Variants in TMEM91 observed in about 807,000 individuals in gnomAD.
TMEM91 encodes dispanin subfamily C member 3.
In TMEM91, 6 loss-of-function variants were observed where a neutral mutation model predicts 13.3. The observed-to-expected ratio is 0.45, with a 90% CI of 0.25 to 0.89. TMEM91 has a LOEUF of 0.89. TMEM91 is among the 40% of genes least tolerant of loss of function. The pLI is 0.19. For synonymous variants in TMEM91, 87 were observed against 101.7 expected, an observed-to-expected ratio of 0.86 and a Z score of 0.87; for missense variants, 193 against 228.7, an observed-to-expected ratio of 0.84 and a Z score of 1.01.
At chr19:41,369,655 AAAATC>A (rs926083207) in intron 1 of TMEM91, among the ~76,000 whole-genome samples, 7 of 151,878 alleles carry the variant, frequency 4.6e-5, no homozygotes, top group African/African-American at 7.3e-5. Flanking sequence ...AACTACAAAA[AAAATC>A]AGCTGAACGT....
intron 1 of TMEM91, among the ~76,000 whole-genome samples, chr19:41,368,673 G>C (rs575973142): frequency 2.0e-5 from 3 of 151,870 alleles, no homozygotes; most frequent in African/African-American, 7.2e-5. Flanking sequence ...GCCTCCCAAA[G>C]TGCTGGGATT....
chr19:41,367,783 C>T (rs1036273199), intron 1 of TMEM91, among the ~76,000 whole-genome samples: 4 of 152,142 alleles, frequency 2.6e-5, no homozygotes, highest in African/African-American at 9.6e-5. Context: ...GCGTGTGCCA[C>T]CATGCCCAGC....
chr19:41,368,976 T>C (rs1234416943), intron 1 of TMEM91, among the ~76,000 whole-genome samples: 3 of 151,688 alleles, frequency 2.0e-5, no homozygotes, highest in Admixed American at 2.0e-4. Flanking sequence ...ATTAGCTGGG[T>C]GTGGTGGCAT....
intron 2 of TMEM91, among the ~76,000 whole-genome samples, chr19:41,379,953 G>A (rs988287560): frequency 6.9e-6 from 1 of 144,524 alleles, no homozygotes; most frequent in Non-Finnish European, 1.5e-5. Context: ...GGAGTACAAT[G>A]GTGCAATCTC....
intron 2 of TMEM91, among the ~76,000 whole-genome samples, chr19:41,381,076 C>CAAAAAAA (rs1166323642): frequency 1.9e-5 from 1 of 52,782 alleles, no homozygotes; most frequent in African/African-American, 6.8e-5. Context: ...GACTCTGTCT[C>CAAAAAAA]AAAAAAAAAA....
intron 1 of TMEM91, among the ~76,000 whole-genome samples, chr19:41,368,852 C>T (rs1433142308): frequency 6.6e-6 from 1 of 151,814 alleles, no homozygotes; most frequent in Non-Finnish European, 1.5e-5. Flanking sequence ...CAGTGGCTCA[C>T]ACCTGTAATC....
intron 1 of TMEM91, among the ~76,000 whole-genome samples, chr19:41,370,572 A>C (rs569869979): frequency 6.0e-5 from 9 of 149,634 alleles, no homozygotes; most frequent in Admixed American, 4.0e-4. Flanking sequence ...TTGTCCAGCT[A>C]ATTTTTGTAT....
At chr19:41,378,620 A>G in intron 2 of TMEM91, 101 bp downstream of exon 2, 2 of 1,223,474 alleles carry the variant, frequency 1.6e-6, no homozygotes, top group Non-Finnish European at 2.3e-6. Context: ...GATCTGCCTT[A>G]GGCCTGGAGT....
At chr19:41,378,190 A>G in intron 1 of TMEM91, 91 bp from the exon 2 acceptor site, 1 of 938,456 alleles carries the variant, frequency 1.1e-6, no homozygotes, top group Admixed American at 2.3e-5. Context: ...TGCACTAACT[A>G]GTCTCTGCCT....
At chr19:41,380,029 G>A (rs2038842319) in intron 2 of TMEM91, among the ~76,000 whole-genome samples, 1 of 151,650 alleles carries the variant, frequency 6.6e-6, no homozygotes, top group Admixed American at 6.6e-5. Context: ...CTGAGTAGCT[G>A]GATTTACAGG....
intron 1 of TMEM91, among the ~76,000 whole-genome samples, chr19:41,371,484 A>G (rs1456076855): frequency 1.3e-5 from 2 of 149,210 alleles, no homozygotes; most frequent in Admixed American, 6.7e-5. Context: ...CAGTGGCACA[A>G]TCTTGGCTCA....
At chr19:41,366,578 T>C (rs899444692) in intron 1 of TMEM91, among the ~76,000 whole-genome samples, 3 of 152,094 alleles carry the variant, frequency 2.0e-5, no homozygotes, top group Non-Finnish European at 4.4e-5. Context: ...CAAAGTCTTA[T>C]CATGCATGAC....
At chr19:41,383,443 T>C in intron 3 of TMEM91, 6 of 1,172,580 alleles carry the variant, frequency 5.1e-6, no homozygotes, top group Non-Finnish European at 6.7e-6. Context: ...TCTGGGTCAA[T>C]GTGAGAATCA....
intron 2 of TMEM91, among the ~76,000 whole-genome samples, chr19:41,380,139 C>T (rs1455730674): frequency 6.6e-6 from 1 of 151,954 alleles, no homozygotes; most frequent in Non-Finnish European, 1.5e-5. Context: ...AGGTGATCCA[C>T]CCACCTCAGC....
rs576188646 is a variant in TMEM91, at chr19:41,383,472, C to T, written c.361-243C>T. On this transcript the variant is annotated intron_variant, in intron 3 of 3. Coordinates refer to ENST00000392002, the MANE Select transcript of TMEM91 (RefSeq NM_001098821.2). ...AGAATCAAATGAGTTAGAATAGTGG[C>T]ATATACCATTTTAATGTTTTTATTT... is the stretch of plus-strand genomic sequence containing the variant. The T allele has an allele frequency of 1.8e-5, 24 of 1,353,654 alleles. No homozygotes were observed. In the African/African-American group the frequency reaches 1.9e-4, roughly 11 times the overall value. 83.9% of individuals were successfully genotyped at this position (1,353,654 alleles called of 1,614,324 possible).
intron 1 of TMEM91, among the ~76,000 whole-genome samples, chr19:41,370,992 C>G (rs148179778): frequency 6.6e-6 from 1 of 151,314 alleles, no homozygotes; most frequent in Admixed American, 6.6e-5. Flanking sequence ...CGTGAGCTAC[C>G]GTGTCTGGCC....
upstream of TMEM91, chr19:41,376,477 G>C (rs1246176359): frequency 6.6e-6 from 1 of 152,280 alleles, no homozygotes; most frequent in African/African-American, 2.4e-5. Flanking sequence ...AAGGGGAAGG[G>C]AGGCGGGGCC....
intron 1 of TMEM91, among the ~76,000 whole-genome samples, chr19:41,371,240 G>A (rs186473300): frequency 6.6e-6 from 1 of 151,946 alleles, no homozygotes; most frequent in East Asian, 2.0e-4. Flanking sequence ...GACCTCAGGT[G>A]ATCTGCCCGC....
chr19:41,365,490 T>G (rs2038504377), intron 1 of TMEM91, among the ~76,000 whole-genome samples: 1 of 149,318 alleles, frequency 6.7e-6, no homozygotes, highest in African/African-American at 2.5e-5. Context: ...CTGCAATCTC[T>G]GCCTCCCGGG....
Sources: gnomAD v4.1 joint callset for allele counts (sites outside exome capture counted in the v4.1 genomes callset) on GRCh38, gnomAD v4.1.1 for gene constraint, MANE v1.5 for transcripts, NCBI Gene and HGNC (gene_info 2026-07-23, HGNC 2026-07-21) for gene names.